Variants in GYPE observed in about 807,000 individuals in gnomAD.
GYPE encodes the protein glycophorin-E.
In GYPE, 8 loss-of-function variants were observed where a neutral mutation model predicts 11.6. The ratio of observed to expected loss-of-function variants is 0.69; its 90% confidence interval spans 0.41 to 1.25. GYPE has a LOEUF of 1.25. Ranked by LOEUF, GYPE falls within the 50% of genes most tolerant of loss-of-function variation. The pLI is 0.01. For synonymous variants in GYPE, 28 were observed against 29.6 expected, an observed-to-expected ratio of 0.94 and a Z score of 0.18; for missense variants, 90 against 92.8, an observed-to-expected ratio of 0.97 and a Z score of 0.12.
intron 1 of GYPE, among the ~76,000 whole-genome samples, chr4:143,891,157 T>C (rs6537208): frequency 0.93 from 139,834 of 150,760 alleles, 65,806 homozygotes; most frequent in East Asian, 1. Flanking sequence ...TTGTGGACCA[T>C]CTACTACAAA....
At chr4:143,882,073 TA>T (rs1230514603) in intron 1 of GYPE, among the ~76,000 whole-genome samples, 1 of 152,198 alleles carries the variant, frequency 6.6e-6, no homozygotes, top group East Asian at 1.9e-4. Context: ...CTAAACTGTC[TA>T]TGTTTTCTCT....
chr4:143,881,057 T>C (rs1351984782), intron 1 of GYPE, among the ~76,000 whole-genome samples: 1 of 152,090 alleles, frequency 6.6e-6, no homozygotes, highest in African/African-American at 2.4e-5. Context: ...AGGGACAATC[T>C]TACTTCTTCA....
chr4:143,891,455 A>G (rs1489522464), intron 1 of GYPE, among the ~76,000 whole-genome samples: 1 of 150,834 alleles, frequency 6.6e-6, no homozygotes, highest in Non-Finnish European at 1.5e-5. Context: ...CAGCCTCCCA[A>G]GTAGCTGGGA....
intron 1 of GYPE, among the ~76,000 whole-genome samples, chr4:143,897,914 G>A (rs991842360): frequency 6.6e-6 from 1 of 152,120 alleles, no homozygotes; most frequent in African/African-American, 2.4e-5. Context: ...CACATGAAAG[G>A]ATAAGTGCAA....
At position 143,896,198 on chromosome 4, in the gene GYPE, A is replaced by G. The variant is rs1243043266; in HGVS notation, c.37+9273T>C. ...AAAGAGCTTCTGCACAGCAAAAGAA[A>G]CTACCATCAGAGTGAACAGGCAACC... On this transcript the variant is annotated intron_variant, in intron 1 of 3. Transcript: ENST00000358615. Among the ~76,000 whole-genome samples the G allele has an allele frequency of 4.6e-5, 7 of 152,320 alleles. No individual in the cohort carries two copies. In the South Asian group the frequency reaches 6.2e-4, roughly 14 times the overall value.
At chr4:143,875,201 T>G (rs4342150) in intron 3 of GYPE, 148,605 of 315,616 alleles carry the variant, frequency 0.47, 35,875 homozygotes, top group East Asian at 0.59. Flanking sequence ...TTCTGCATGT[T>G]CTCTGCTGTT....
intron 1 of GYPE, among the ~76,000 whole-genome samples, chr4:143,885,053 A>G (rs1443614769): frequency 2.6e-5 from 4 of 151,262 alleles, no homozygotes; most frequent in Non-Finnish European, 2.9e-5. Flanking sequence ...AGAGTGGCCA[A>G]GATAAGCAGT....
chr4:143,897,262 G>A (rs1391241478), intron 1 of GYPE, among the ~76,000 whole-genome samples: 2 of 151,992 alleles, frequency 1.3e-5, no homozygotes, highest in African/African-American at 4.8e-5. Context: ...CCAGGAGCTC[G>A]AGACCACCCT....
At chr4:143,874,547 A>G (rs2149903182) in intron 3 of GYPE, among the ~76,000 whole-genome samples, 1 of 152,318 alleles carries the variant, frequency 6.6e-6, no homozygotes, top group East Asian at 1.9e-4. Context: ...CTGCTCACTT[A>G]GGGGAGGCAT....
rs1489245293 is a variant in GYPE, at chr4:143,883,774, C to A, written c.38-3265G>T. On this transcript the variant is annotated intron_variant, in intron 1 of 3. Coordinates refer to ENST00000358615, the MANE Select transcript of GYPE (RefSeq NM_198682.3). ...TGGAAAAATAAGCATCATTTTAAGA[C>A]CAATGAAATATTTTCAACATTTCAA... 2.0e-5 allele frequency among the ~76,000 whole-genome samples: 3 copies of A among 150,898 alleles called. No individual in the cohort carries two copies. The East Asian group carries it at 5.8e-4, about 29-fold the overall frequency.
chr4:143,893,386 A>T, intron 1 of GYPE, among the ~76,000 whole-genome samples: 1 of 144,632 alleles, frequency 6.9e-6, no homozygotes, highest in Admixed American at 7.0e-5. Context: ...TCATTAGTTG[A>T]TGCAGTTTCT....
At chr4:143,878,512 G>A (rs1240298556) in intron 2 of GYPE, 4 of 365,878 alleles carry the variant, frequency 1.1e-5, no homozygotes, top group African/African-American at 2.3e-5. Context: ...TTACAATTTT[G>A]TGTGAATAAA....
intron 1 of GYPE, among the ~76,000 whole-genome samples, chr4:143,883,219 C>G (rs999639653): frequency 2.0e-5 from 3 of 152,026 alleles, no homozygotes; most frequent in African/African-American, 7.2e-5. Flanking sequence ...TCTCTCCCGA[C>G]TCTCTCTCTT....
chr4:143,894,762 C>A (rs1377387414), intron 1 of GYPE, among the ~76,000 whole-genome samples: 25 of 152,072 alleles, frequency 1.6e-4, no homozygotes, highest in Non-Finnish European at 2.2e-4. Context: ...TCAATAAAAT[C>A]CTGGCAAACC....
intron 1 of GYPE, among the ~76,000 whole-genome samples, chr4:143,904,827 T>A (rs2149919279): frequency 6.6e-6 from 1 of 152,242 alleles, no homozygotes; most frequent in East Asian, 1.9e-4. Flanking sequence ...ACTAAATTAA[T>A]AATTAAATTT....
At chr4:143,891,553 C>A (rs1234059699) in intron 1 of GYPE, among the ~76,000 whole-genome samples, 3 of 151,902 alleles carry the variant, frequency 2.0e-5, no homozygotes, top group Admixed American at 6.6e-5. Context: ...CGATCTTGAT[C>A]TCCTGACCTC....
intron 1 of GYPE, among the ~76,000 whole-genome samples, chr4:143,894,911 T>C (rs1578973747): frequency 6.6e-6 from 1 of 152,212 alleles, no homozygotes; most frequent in East Asian, 1.9e-4. Context: ...AACCACATGA[T>C]TATCTCAATA....
chr4:143,895,992 A>G (rs1744614312), intron 1 of GYPE, among the ~76,000 whole-genome samples: 1 of 152,156 alleles, frequency 6.6e-6, no homozygotes, highest in Non-Finnish European at 1.5e-5. Flanking sequence ...CTTACACTTT[A>G]TACAAAAATT....
intron 3 of GYPE, among the ~76,000 whole-genome samples, chr4:143,875,688 G>A (rs1367478263): frequency 6.6e-6 from 1 of 152,084 alleles, no homozygotes; most frequent in African/African-American, 2.4e-5. Flanking sequence ...CCCTAATTGG[G>A]GCCAGGCGCA....
Sources: gnomAD v4.1 joint callset for allele counts (sites outside exome capture counted in the v4.1 genomes callset) on GRCh38, gnomAD v4.1.1 for gene constraint, MANE v1.5 for transcripts, NCBI Gene and HGNC (gene_info 2026-07-23, HGNC 2026-07-21) for gene names.